The following LRFN1 variants were observed in gnomAD, a reference collection of about 807,000 sequenced individuals.
The protein encoded by LRFN1 is leucine-rich repeat and fibronectin type III domain-containing protein 1.
A neutral mutation model predicts 31.8 loss-of-function variants in LRFN1; 20 were observed. That is an observed-to-expected ratio of 0.63 (90% confidence interval 0.44 to 0.91). LRFN1 has a LOEUF of 0.91. Ranked by LOEUF, LRFN1 falls within the 40% of genes least tolerant of loss-of-function variation. The pLI, the probability that LRFN1 is intolerant of heterozygous loss-of-function variation, is 0.00. For missense variants in LRFN1, 912 were observed against 1,129.8 expected, an observed-to-expected ratio of 0.81 and a Z score of 2.76; for synonymous variants, 514 against 541.3, an observed-to-expected ratio of 0.95 and a Z score of 0.70.
chr19:39,313,030 G>A lies in LRFN1; in HGVS notation c.1406+901C>T, dbSNP rs1339503904. Among the ~76,000 whole-genome samples the A allele has an allele frequency of 7.2e-5, 11 of 152,156 alleles. No individual in the cohort carries two copies. The South Asian group carries it at 2.3e-3, about 31-fold the overall frequency. On this transcript the variant is annotated intron_variant, in intron 4 of 4. Transcript: ENST00000248668. ...AGAAGGTAGAGACAGACAGAGAGGT[G>A]AAAGGAGAAATAAGGAGGCGATGGG...
In LRFN1 at chr19:39,315,125, C is replaced by T; in HGVS notation, c.212G>A (p.Arg71Gln). Residue 71 changes from arginine to glutamine, a missense_variant, in exon 4 of 5, where the codon CGG (arginine) becomes CAG (glutamine). By Grantham distance (43) the Arg-to-Gln change is conservative. This residue lies in a region of LRFN1 where 401 missense variants were observed against 572.7 expected (regional missense o/e 0.70). Transcript: ENST00000248668. This position sits in a 1 kb window ranked among gnomAD's most constrained non-coding sequence, Gnocchi z 4.7. The part of the protein sequence containing the change: ...PAIDRRVVEL[R>Q]LTDNFIAAVR... ...GGCGGCGATGAAGTTGTCGGTGAGCCGCAGCTCCACCACGCGCCGGTCGAT... is the reference window on the plus strand; with the variant it reads ...GGCGGCGATGAAGTTGTCGGTGAGCTGCAGCTCCACCACGCGCCGGTCGAT... The T allele has an allele frequency of 6.3e-7, 1 of 1,592,922 alleles. No individual in the cohort carries two copies. Among genetic ancestry groups the T allele is most frequent in the Non-Finnish European group, 8.5e-7 (1 of 1,177,066 alleles).
intron 1 of LRFN1, among the ~76,000 whole-genome samples, chr19:39,319,687 C>T (rs1157891937): frequency 6.6e-6 from 1 of 152,132 alleles, no homozygotes; most frequent in Non-Finnish European, 1.5e-5. Context: ...ACATTCCTCC[C>T]AGCCCTGAGG....
chr19:39,320,239 C>CA (rs1056573582), intron 1 of LRFN1, among the ~76,000 whole-genome samples: 3 of 151,724 alleles, frequency 2.0e-5, no homozygotes, highest in Non-Finnish European at 2.9e-5. Context: ...CGCCGAGCCT[C>CA]AGCCCCCAAG....
Position 39,308,599 on chromosome 19 carries a change from C to G in LRFN1, c.1407-57G>C. 1 of 1,440,620 alleles carries G rather than the reference C, an allele frequency of 6.9e-7. No individual in the cohort carries two copies. The highest frequency in any genetic ancestry group is 9.2e-7 in the Non-Finnish European group (1 of 1,082,320). 89.2% of individuals were successfully genotyped at this position (1,440,620 alleles called of 1,614,324 possible). On this transcript the variant is annotated intron_variant, in intron 4 of 4. Coordinates refer to ENST00000248668, the MANE Select transcript of LRFN1 (RefSeq NM_020862.2). The surrounding 1 kb of genome is among the most constrained non-coding windows in gnomAD (Gnocchi z 6.2). ...AGTCCCCCCGAACCACGCCCCTTCG[C>G]TTTATGCCCCGCCCATGGTGAACAG...
Position 39,314,589 on chromosome 19 carries a change from C to T in LRFN1, c.748G>A (p.Gly250Ser), listed in dbSNP as rs1377997021. The change falls in exon 4 of 5, where the codon GGC becomes AGC. Residue 250 changes from glycine (G) to serine (S), a missense_variant. Physicochemically the swap from Gly to Ser is moderately conservative, Grantham distance 56. Around this residue, in one of 2 missense-constraint regions of LRFN1, gnomAD observed 401 missense variants for 572.7 expected, o/e 0.70. Transcript: ENST00000248668. ...KPPTPLTVSF[G>S]GNPLHCNCEL... is the part of the protein sequence containing the mutation. ...CAGTTGCAGTGCAGGGGGTTGCCGC[C>T]GAAGCTGACGGTCAGCGGGGTGGGC... The T allele has an allele frequency of 1.2e-6, 2 of 1,609,590 alleles. No homozygotes were observed. The highest frequency in any genetic ancestry group is 2.2e-5 in the East Asian group (1 of 44,680).
At chr19:39,310,116 C>A (rs963845292) in intron 4 of LRFN1, among the ~76,000 whole-genome samples, 1 of 152,162 alleles carries the variant, frequency 6.6e-6, no homozygotes, top group Non-Finnish European at 1.5e-5. Context: ...CACCACCACA[C>A]CTGGCTAATT....
chr19:39,308,551 G>A lies in LRFN1; in HGVS notation c.1407-9C>T, dbSNP rs2145028782. ...TGGTGGACGGGATCATCCTGTAGGA[G>A]GGGGCGGGTTCAGGGCGGGGTTAGT... On this transcript the variant is annotated splice_polypyrimidine_tract_variant and intron_variant, in intron 4 of 4. Transcript: ENST00000248668. The surrounding 1 kb of genome is among the most constrained non-coding windows in gnomAD (Gnocchi z 6.2). The A allele has an allele frequency of 5.1e-6, 8 of 1,578,020 alleles. No individual in the cohort carries two copies. Among genetic ancestry groups the A allele is most frequent in the Non-Finnish European group, 6.0e-6 (7 of 1,168,594 alleles).
intron 4 of LRFN1, among the ~76,000 whole-genome samples, chr19:39,309,113 C>T: frequency 6.6e-6 from 1 of 152,200 alleles, no homozygotes; most frequent in Admixed American, 6.5e-5. Context: ...CAGGGAAAAC[C>T]ATGATGCAGG....
rs539889182 is a variant in LRFN1, at chr19:39,307,319, C to T, written c.*314G>A. The T allele has an allele frequency of 2.0e-5, 8 of 400,206 alleles. No homozygotes were observed. The South Asian group carries it at 9.4e-4, about 47-fold the overall frequency. The allele number at this position is 400,206 out of a possible 1,614,324, so 24.8% of individuals were successfully genotyped here. ...GTGCTGCAGTGTCAGGGGGCCCTGC[C>T]CCTCCCCGCGCTTCGCTGTGTAAGG... On this transcript the variant is annotated 3_prime_UTR_variant, in exon 5 of 5. Coordinates refer to ENST00000248668, the MANE Select transcript of LRFN1 (RefSeq NM_020862.2). This position sits in a 1 kb window ranked among gnomAD's most constrained non-coding sequence, Gnocchi z 6.7.
chr19:39,307,740 C>G lies in LRFN1; in HGVS notation c.2209G>C (p.Gly737Arg). 1 of 1,491,718 alleles carries G rather than the reference C, an allele frequency of 6.7e-7. No homozygotes were observed. The highest frequency in any genetic ancestry group is 1.4e-5 in the South Asian group (1 of 73,646). The allele number at this position is 1,491,718 out of a possible 1,614,324, so 92.4% of individuals were successfully genotyped here. The change falls in exon 5 of 5, where the codon GGG becomes CGG. Residue 737 changes from glycine (G) to arginine (R), a missense_variant. Transcript: ENST00000248668. This position sits in a 1 kb window ranked among gnomAD's most constrained non-coding sequence, Gnocchi z 6.7. ...KRHRSTPHLD[G>R]AGGGAAGEDG... ...TCCCCGGCCGCGCCCCCTCCAGCCC[C>G]GTCCAGGTGCGGCGTGGACCGGTGG...
intron 4 of LRFN1, among the ~76,000 whole-genome samples, chr19:39,312,647 T>C (rs1296238413): frequency 2.0e-5 from 3 of 151,818 alleles, no homozygotes; most frequent in Non-Finnish European, 4.4e-5. Context: ...TACTAAAAAT[T>C]TTTTTAAATT....
At chr19:39,309,237 C>A (rs930680491) in intron 4 of LRFN1, among the ~76,000 whole-genome samples, 30 of 152,192 alleles carry the variant, frequency 2.0e-4, no homozygotes, top group African/African-American at 6.5e-4. Flanking sequence ...GGGTGGATCA[C>A]CTGAGGTTAG....
chr19:39,312,645 A>C (rs909970555), intron 4 of LRFN1, among the ~76,000 whole-genome samples: 1 of 151,974 alleles, frequency 6.6e-6, no homozygotes, highest in South Asian at 2.1e-4. Context: ...TCTACTAAAA[A>C]TTTTTTTAAA....
At position 39,308,163 on chromosome 19, in the gene LRFN1, C is replaced by T. The variant is rs1215274529; in HGVS notation, c.1786G>A (p.Ala596Thr). The change falls in exon 5 of 5, where the codon GCC becomes ACC. Residue 596 changes from alanine (A) to threonine (T), a missense_variant. This residue lies in a region of LRFN1 where 511 missense variants were observed against 557.0 expected (regional missense o/e 0.92). Transcript: ENST00000248668. This position sits in a 1 kb window ranked among gnomAD's most constrained non-coding sequence, Gnocchi z 6.2. ...TNGAGTGAAQAPALPAQDHYE... is the reference protein window; with the variant it reads ...TNGAGTGAAQTPALPAQDHYE... ...TGGTCCTGGGCCGGCAGGGCCGGGG[C>T]CTGTGCCGCGCCTGTGCCTGCGCCG... 6.4e-7 allele frequency: 1 copy of T among 1,566,588 alleles called. No individual in the cohort carries two copies. Among genetic ancestry groups the T allele is most frequent in the Non-Finnish European group, 8.6e-7 (1 of 1,156,432 alleles).
chr19:39,319,237 G>C (rs1487807913), intron 1 of LRFN1, among the ~76,000 whole-genome samples: 1 of 152,130 alleles, frequency 6.6e-6, no homozygotes, highest in Non-Finnish European at 1.5e-5. Flanking sequence ...CCCCCTAACA[G>C]ACAACCAGGT....
intron 4 of LRFN1, among the ~76,000 whole-genome samples, chr19:39,309,342 T>A (rs1001594148): frequency 3.3e-5 from 5 of 152,020 alleles, no homozygotes; most frequent in Non-Finnish European, 7.4e-5. Context: ...TAATCCTAGC[T>A]ACTCGGGAGG....
At position 39,307,539 on chromosome 19, in the gene LRFN1, C is replaced by A. The variant is rs1289689770; in HGVS notation, c.*94G>T. On this transcript the variant is annotated 3_prime_UTR_variant, in exon 5 of 5. Coordinates refer to ENST00000248668, the MANE Select transcript of LRFN1 (RefSeq NM_020862.2). This position sits in a 1 kb window ranked among gnomAD's most constrained non-coding sequence, Gnocchi z 6.7. ...GCGCGTCTCCACTCTGGTCCAATGT[C>A]TTGGCGCTGCGCTTTCTCCCAGTCC... is the stretch of plus-strand genomic sequence containing the variant. 20 of 1,296,996 alleles carry A rather than the reference C, an allele frequency of 1.5e-5. No homozygotes were observed. Among genetic ancestry groups the A allele is most frequent in the Non-Finnish European group, 1.8e-5 (18 of 1,013,174 alleles). 80.3% of individuals were successfully genotyped at this position (1,296,996 alleles called of 1,614,324 possible). A position where few individuals can be genotyped will look rare whatever the true frequency, so the allele number is the denominator to read the frequency against.
chr19:39,314,010 G>A lies in LRFN1; in HGVS notation c.1327C>T (p.Pro443Ser), dbSNP rs771840264. Residue 443 changes from proline to serine, a missense_variant, in exon 4 of 5, where the codon CCA becomes TCA. Around this residue, in one of 2 missense-constraint regions of LRFN1, gnomAD observed 511 missense variants for 557.0 expected, o/e 0.92. Coordinates refer to ENST00000248668, the MANE Select transcript of LRFN1 (RefSeq NM_020862.2). Reference sequence around the variant, plus strand: ...ATTCCGGGCACAGGCCTCTGGGCTGGCCAGCGGATGAGCACGGAGTTCGAG... The same window carrying A: ...ATTCCGGGCACAGGCCTCTGGGCTGACCAGCGGATGAGCACGGAGTTCGAG... ...LTSNSVLIRWPAQRPVPGIRM... is the reference protein window; with the variant it reads ...LTSNSVLIRWSAQRPVPGIRM... The A allele has an allele frequency of 4.3e-6, 7 of 1,611,494 alleles. No homozygotes were observed. Among genetic ancestry groups the A allele is most frequent in the African/African-American group, 4.0e-5 (3 of 74,936 alleles).
chr19:39,307,116 AAAC>A lies in LRFN1; in HGVS notation c.*514_*516del. 2.5e-6 allele frequency: 1 copy of A among 396,196 alleles called. No homozygotes were observed. The highest frequency in any genetic ancestry group is 3.6e-5 in the East Asian group (1 of 27,944). 24.5% of individuals were successfully genotyped at this position (396,196 alleles called of 1,614,324 possible). On this transcript the variant is annotated 3_prime_UTR_variant, in exon 5 of 5. Coordinates refer to ENST00000248668, the MANE Select transcript of LRFN1 (RefSeq NM_020862.2). The surrounding 1 kb of genome is among the most constrained non-coding windows in gnomAD (Gnocchi z 6.7). ...AGGGCGGGATAGAGACAAACGAGGGAAACAGAGAAAGGGGGACCCCAAGCCAGA... is the reference window on the plus strand; with the variant it reads ...AGGGCGGGATAGAGACAAACGAGGGAAGAGAAAGGGGGACCCCAAGCCAGA...
Sources: gnomAD v4.1 joint callset for allele counts (sites outside exome capture counted in the v4.1 genomes callset) on GRCh38, gnomAD v4.1.1 for gene constraint, gnomAD v4.1.1 regional missense constraint, Gnocchi (gnomAD v3.1) non-coding constraint, MANE v1.5 for transcripts, NCBI Gene and HGNC (gene_info 2026-07-23, HGNC 2026-07-21) for gene names.